Variants in FLG observed in about 807,000 individuals in gnomAD.
FLG encodes epidermal filaggrin.
Under a neutral mutation model 3.8 loss-of-function variants are expected in FLG, and 6 were observed. The ratio of observed to expected loss-of-function variants is 1.60; its 90% CI spans 0.87 to 3.15. The LOEUF (loss-of-function observed/expected upper bound fraction) is 3.15, where lower values mean the gene tolerates loss of function less well. FLG is among the 30% of genes most tolerant of loss of function. FLG has a pLI of 0.00. For missense variants in FLG, 7,595 were observed against 5,050.9 expected, an observed-to-expected ratio of 1.50 and a Z score of -15.27; for synonymous variants, 2,551 against 1,931.6, an observed-to-expected ratio of 1.32 and a Z score of -8.41.
In FLG at chr1:152,310,759, C is replaced by T. The variant is rs1166538655; in HGVS notation, c.4127G>A (p.Arg1376Lys). Residue 1376 changes from arginine to lysine, a missense_variant, in exon 3 of 3, where the codon AGA (arginine) becomes AAA (lysine). By Grantham distance (26) the Arg-to-Lys change is conservative (BLOSUM62 2). Coordinates refer to ENST00000368799, the MANE Select transcript of FLG (RefSeq NM_002016.2). ...DSSRHSGIGH[R>K]QASSAVRDSG... is the part of the protein sequence containing the mutation. ...GTCTCTGACTGCAGATGAAGCTTGT[C>T]TGTGCCCAATGCCTGAGTGTCTGGA... is the stretch of plus-strand genomic sequence containing the variant. 6.2e-7 allele frequency: 1 copy of T among 1,614,018 alleles called. No homozygotes were observed. The highest frequency in any genetic ancestry group is 1.7e-5 in the Admixed American group (1 of 60,012).
Position 152,303,368 on chromosome 1 carries a change from A to T in FLG, c.11518T>A (p.Ser3840Thr), listed in dbSNP as rs1225203561. The part of the protein sequence containing the change: ...HHEASTQADS[S>T]RHSQSGQGES... Reference sequence around the variant, plus strand: ...CCCTGGCCGGACTGTGAGTGTCTAGAGCTGTCAGCCTGAGTGGAAGCTTCA... The same window carrying T: ...CCCTGGCCGGACTGTGAGTGTCTAGTGCTGTCAGCCTGAGTGGAAGCTTCA... The change falls in exon 3 of 3, where the codon TCT becomes ACT. Residue 3840 changes from serine to threonine, a missense_variant. By Grantham distance (58) the Ser-to-Thr change is moderately conservative. Coordinates refer to ENST00000368799, the MANE Select transcript of FLG (RefSeq NM_002016.2). The T allele has an allele frequency of 1.2e-6, 2 of 1,613,916 alleles. No individual in the cohort carries two copies. The highest frequency in any genetic ancestry group is 2.7e-5 in the African/African-American group (2 of 74,866).
Position 152,311,606 on chromosome 1 carries a change from G to A in FLG, c.3280C>T (p.Pro1094Ser), listed in dbSNP as rs1431321161. Residue 1094 changes from proline (P) to serine (S), a missense_variant, in exon 3 of 3, where the codon CCC becomes TCC. Transcript: ENST00000368799. ...GACTCTTGGTGGCTCTGCTGATGGG[G>A]CCCATCCTGTCCATGGCCTGACACT... ...QSVSGHGQDGPHQQSHQESAR... is the reference protein window; with the variant it reads ...QSVSGHGQDGSHQQSHQESAR... 4.3e-6 allele frequency: 7 copies of A among 1,613,912 alleles called. No individual in the cohort carries two copies. The highest frequency in any genetic ancestry group is 5.1e-6 in the Non-Finnish European group (6 of 1,180,018).
Position 152,307,532 on chromosome 1 carries a change from G to T in FLG, c.7354C>A (p.His2452Asn), listed in dbSNP as rs752287771. ...TCCTGACCCTCTTGGGACGTTGAGT[G>T]CCTGGAGCTGTCTCGTGCCTGCTTG... ...HHKQARDSSR[H>N]STSQEGQDTI... The change falls in exon 3 of 3, where the codon CAC becomes AAC. Residue 2452 changes from histidine (H) to asparagine (N), a missense_variant. Transcript: ENST00000368799. 2 of 1,613,804 alleles carry T rather than the reference G, an allele frequency of 1.2e-6. No homozygotes were observed. The highest frequency in any genetic ancestry group is 1.7e-6 in the Non-Finnish European group (2 of 1,179,934).
intron 1 of FLG, among the ~76,000 whole-genome samples, chr1:152,321,006 T>C (rs1652948990): frequency 6.6e-6 from 1 of 150,944 alleles, no homozygotes; most frequent in African/African-American, 2.4e-5. Flanking sequence ...TGAAATAGCA[T>C]AACTTGTGGA....
rs774072731 is a variant in FLG, at chr1:152,305,124, G to A, written c.9762C>T (p.Pro3254=). 3.7e-6 allele frequency: 6 copies of A among 1,613,868 alleles called. No homozygotes were observed. In the South Asian group the frequency reaches 4.4e-5, roughly 12 times the overall value. ...QEQSRHGSRH[P]RSHHEDRAGH... is the part of the protein sequence containing the mutation. ...CGGCTCTGTCTTCGTGATGGGACCT[G>A]GGGTGTCTGGAGCCGTGCCTTGACT... is the stretch of plus-strand genomic sequence containing the variant. The change falls in exon 3 of 3, where the codon CCC becomes CCT. Residue 3254 remains proline (P), a synonymous_variant. Coordinates refer to ENST00000368799, the MANE Select transcript of FLG (RefSeq NM_002016.2).
intron 1 of FLG, among the ~76,000 whole-genome samples, chr1:152,318,059 C>T (rs1652845563): frequency 6.6e-6 from 1 of 151,818 alleles, no homozygotes; most frequent in Non-Finnish European, 1.5e-5. Context: ...TTATTTTTAT[C>T]ACCACAGAAA....
At position 152,311,095 on chromosome 1, in the gene FLG, C is replaced by CCGA; in HGVS notation, c.3790_3791insTCG (p.Arg1264delinsIleGly). On this transcript the variant is annotated protein_altering_variant, in exon 3 of 3. Coordinates refer to ENST00000368799, the MANE Select transcript of FLG (RefSeq NM_002016.2). The stretch of plus-strand genomic sequence containing the variant: ...CTGGCTAACACTGGATCCCTGGTGC[C>CCGA]TGCTTGTCCTGGACCCCGATGATTG... The CCGA allele has an allele frequency of 6.2e-7, 1 of 1,613,962 alleles. No individual in the cohort carries two copies. Among genetic ancestry groups the CCGA allele is most frequent in the Non-Finnish European group, 8.5e-7 (1 of 1,180,010 alleles).
rs766035407 is a variant in FLG at position 152,307,643 on chromosome 1, G to T, written c.7243C>A (p.Leu2415Ile). 18 of 1,613,464 alleles carry T rather than the reference G, an allele frequency of 1.1e-5. No individual in the cohort carries two copies. Among genetic ancestry groups the T allele is most frequent in the South Asian group, 2.2e-5 (2 of 91,030 alleles). Reference protein sequence around the residue: ...AGRSGRSGSFLYQVSTHEQSE... With the variant: ...AGRSGRSGSFIYQVSTHEQSE... ...TGTTCATGAGTGCTCACCTGGTAGA[G>T]GAAAGACCCTGAACGTCCAGACCTT... is the stretch of plus-strand genomic sequence containing the variant. Residue 2415 changes from leucine to isoleucine, a missense_variant, in exon 3 of 3, where the codon CTC becomes ATC. Transcript: ENST00000368799.
chr1:152,308,019 T>C lies in FLG; in HGVS notation c.6867A>G (p.Arg2289=). 1 of 1,614,166 alleles carries C rather than the reference T, an allele frequency of 6.2e-7. No homozygotes were observed. Among genetic ancestry groups the C allele is most frequent in the South Asian group, 1.1e-5 (1 of 91,082 alleles). ...SRHPRSHHED[R]AGHGHSAESS... ...TCTCTGCAGAGTGCCCATGACCGGC[T>C]CTGTCTTCGTGATGGGACCTGGGGT... The change falls in exon 3 of 3, where the codon AGA becomes AGG. Residue 2289 remains arginine (R), a synonymous_variant. Coordinates refer to ENST00000368799, the MANE Select transcript of FLG (RefSeq NM_002016.2).
Position 152,310,753 on chromosome 1 carries a change from G to A in FLG, c.4133C>T (p.Ala1378Val). 2.5e-6 allele frequency: 4 copies of A among 1,613,916 alleles called. No homozygotes were observed. The highest frequency in any genetic ancestry group is 3.4e-6 in the Non-Finnish European group (4 of 1,179,974). ...SRHSGIGHRQ[A>V]SSAVRDSGHR... is the part of the protein sequence containing the mutation. ...TCCACTGTCTCTGACTGCAGATGAAGCTTGTCTGTGCCCAATGCCTGAGTG... is the reference window on the plus strand; with the variant it reads ...TCCACTGTCTCTGACTGCAGATGAAACTTGTCTGTGCCCAATGCCTGAGTG... Residue 1378 changes from alanine to valine, a missense_variant, in exon 3 of 3, where the codon GCT becomes GTT. Coordinates refer to ENST00000368799, the MANE Select transcript of FLG (RefSeq NM_002016.2).
chr1:152,308,284 T>A lies in FLG; in HGVS notation c.6602A>T (p.Asp2201Val). The change falls in exon 3 of 3, where the codon GAT (aspartate) becomes GTT (valine). Residue 2201 changes from aspartate to valine, a missense_variant. By Grantham distance (152) the Asp-to-Val change is radical. Transcript: ENST00000368799. ...ATGCGACCCTGAGTGCCTAGAGCCA[T>A]CTCCTGATTGTTCCTTGTCATATGT... ...RKTYDKEQSG[D>V]GSRHSGSHHH... 1 of 1,613,438 alleles carries A rather than the reference T, an allele frequency of 6.2e-7. No individual in the cohort carries two copies. Among genetic ancestry groups the A allele is most frequent in the Non-Finnish European group, 8.5e-7 (1 of 1,179,538 alleles).
Position 152,307,621 on chromosome 1 carries a change from T to A in FLG, c.7265A>T (p.Glu2422Val), listed in dbSNP as rs771178378. The change falls in exon 3 of 3, where the codon GAA becomes GTA. Residue 2422 changes from glutamate (E) to valine (V), a missense_variant. Transcript: ENST00000368799. The part of the protein sequence containing the change: ...GSFLYQVSTH[E>V]QSESAHGRTG... The stretch of plus-strand genomic sequence containing the variant: ...CCGTCCATGGGCGGACTCAGACTGT[T>A]CATGAGTGCTCACCTGGTAGAGGAA... The A allele has an allele frequency of 1.2e-6, 2 of 1,613,458 alleles. No homozygotes were observed. Among genetic ancestry groups the A allele is most frequent in the East Asian group, 4.5e-5 (2 of 44,810 alleles).
In FLG at chr1:152,302,923, T is replaced by G. The variant is rs1411400781; in HGVS notation, c.11963A>C (p.Glu3988Ala). Residue 3988 changes from glutamate (E) to alanine (A), a missense_variant, in exon 3 of 3, where the codon GAA (glutamate) becomes GCA (alanine). Coordinates refer to ENST00000368799, the MANE Select transcript of FLG (RefSeq NM_002016.2). ...GTGCTGAGAGTGTCTAAACCCGGAT[T>G]CACCATAATCATAATCTGCACTACC... ...SYGSADYDYG[E>A]SGFRHSQHGS... 1.9e-6 allele frequency: 3 copies of G among 1,614,200 alleles called. No homozygotes were observed. The highest frequency in any genetic ancestry group is 2.5e-6 in the Non-Finnish European group (3 of 1,180,042).
At position 152,307,299 on chromosome 1, in the gene FLG, G is replaced by A. The variant is rs1477617221; in HGVS notation, c.7587C>T (p.His2529=). The A allele has an allele frequency of 1.2e-6, 2 of 1,613,476 alleles. No homozygotes were observed. The highest frequency in any genetic ancestry group is 1.1e-5 in the South Asian group (1 of 91,052). The change falls in exon 3 of 3, where the codon CAC becomes CAT. Residue 2529 remains histidine (H), a synonymous_variant. Transcript: ENST00000368799. ...AAGCTTCATGGTGACGCGACCCTGA[G>A]TGCCTGGAGCCGTCTCCTGATTGTT... ...NDEQSGDGSR[H]SGSRHHEASS...
Position 152,308,419 on chromosome 1 carries a change from T to G in FLG, c.6467A>C (p.Gln2156Pro). ...TGAGTGTCCAGACCTATCTACCGAT[T>G]GCTCTTGGTGGGACCCCTGTCTTCC... ...RGGRQGSHQE[Q>P]SVDRSGHSGS... The change falls in exon 3 of 3, where the codon CAA becomes CCA. Residue 2156 changes from glutamine to proline, a missense_variant. By Grantham distance (76) the Gln-to-Pro change is moderately conservative. Coordinates refer to ENST00000368799, the MANE Select transcript of FLG (RefSeq NM_002016.2). 3.7e-6 allele frequency: 6 copies of G among 1,613,898 alleles called. No homozygotes were observed. The highest frequency in any genetic ancestry group is 5.1e-6 in the Non-Finnish European group (6 of 1,179,916).
In FLG at chr1:152,309,423, T is replaced by A. The variant is rs779145411; in HGVS notation, c.5463A>T (p.Arg1821Ser). The change falls in exon 3 of 3, where the codon AGA becomes AGT. Residue 1821 changes from arginine to serine, a missense_variant. Arg to Ser is a moderately radical substitution (Grantham distance 110, BLOSUM62 -1). Coordinates refer to ENST00000368799, the MANE Select transcript of FLG (RefSeq NM_002016.2). The part of the protein sequence containing the change: ...DTIRGHPGSS[R>S]GGRQGSHYEQ... ...CATAGTGGGATCCCTGCCTTCCTCC[T>A]CTGCTTGACCCTGGGTGTCCACGAA... 6 of 1,613,298 alleles carry A rather than the reference T, an allele frequency of 3.7e-6. No homozygotes were observed. The highest frequency in any genetic ancestry group is 5.1e-6 in the Non-Finnish European group (6 of 1,179,926).
In FLG at chr1:152,310,838, T is replaced by A. The variant is rs757692002; in HGVS notation, c.4048A>T (p.Arg1350Ter). 1.2e-6 allele frequency: 2 copies of A among 1,611,842 alleles called. No individual in the cohort carries two copies. The highest frequency in any genetic ancestry group is 1.7e-6 in the Non-Finnish European group (2 of 1,179,036). ...CCATGTCTTTCTCCTGGACTTGATC[T>A]TGCCTGTTCATGGGATGACACAGCC... ...GQAVSSHEQA[R>*]SSPGERHGSR... is the part of the protein sequence containing the mutation. The change falls in exon 3 of 3, where the codon AGA becomes TGA. Residue 1350 changes from arginine to a stop codon, truncating the protein, a stop_gained. Transcript: ENST00000368799. LOFTEE classifies it low-confidence loss of function (END_TRUNC).
At position 152,313,636 on chromosome 1, in the gene FLG, G is replaced by C. The variant is rs757753733; in HGVS notation, c.1250C>G (p.Ser417Cys). The C allele has an allele frequency of 3.1e-6, 5 of 1,614,044 alleles. No homozygotes were observed. Among genetic ancestry groups the C allele is most frequent in the Middle Eastern group, 1.7e-4 (1 of 6,060 alleles). ...ACTGTCACTGGCCTGACTACCGCTA[G>C]ACCCCCGGTGTCCACGATCGCTGAC... ...SAVSDRGHRG[S>C]SGSQASDSEG... is the part of the protein sequence containing the mutation. The change falls in exon 3 of 3, where the codon TCT becomes TGT. Residue 417 changes from serine (S) to cysteine (C), a missense_variant. Ser to Cys is a moderately radical substitution (Grantham distance 112, BLOSUM62 -1). Transcript: ENST00000368799.
At position 152,307,720 on chromosome 1, in the gene FLG, G is replaced by T. The variant is rs1553212139; in HGVS notation, c.7166C>A (p.Ala2389Asp). 1.9e-6 allele frequency: 3 copies of T among 1,613,506 alleles called. No homozygotes were observed. The highest frequency in any genetic ancestry group is 1.1e-5 in the South Asian group (1 of 91,018). Residue 2389 changes from alanine (A) to aspartate (D), a missense_variant, in exon 3 of 3, where the codon GCT becomes GAT. Transcript: ENST00000368799. ...TTGGTGGCTCTGCTGATGGGGCCCA[G>T]CCTGTCCGTGGGCTGACACTGACTG... The part of the protein sequence containing the change: ...DTQSVSAHGQ[A>D]GPHQQSHQES...
Sources: allele counts gnomAD v4.1 joint callset (sites outside exome capture counted in the v4.1 genomes callset), GRCh38; gene constraint gnomAD v4.1.1; transcripts MANE v1.5; gene names NCBI Gene and HGNC (gene_info 2026-07-23, HGNC 2026-07-21).